ZNF415: variants seen among roughly 807,000 people sequenced by gnomAD.
ZNF415 encodes zinc finger protein 415.
ZNF415 carries 5 observed loss-of-function variants against 7.3 expected under a neutral mutation model. The observed-to-expected ratio is 0.69, with a 90% CI of 0.36 to 1.44. The LOEUF (loss-of-function observed/expected upper bound fraction) is 1.44. ZNF415 is among the 40% of genes most tolerant of loss of function. The pLI is 0.04. For synonymous variants in ZNF415, 207 were observed against 226.3 expected, an observed-to-expected ratio of 0.91 and a Z score of 0.77; for missense variants, 628 against 664.8, an observed-to-expected ratio of 0.94 and a Z score of 0.61.
rs1054485 is a variant in ZNF415, at chr19:53,109,504, T to G, written c.541A>C (p.Ile181Leu). The G allele has an allele frequency of 0.5, 804,092 of 1,612,726 alleles. 203,191 individuals are homozygous for G. The highest frequency in any genetic ancestry group is 0.68 in the Admixed American group (40,907 of 59,972). Residue 181 changes from isoleucine (I) to leucine (L), a missense_variant, in exon 4 of 4, where the codon ATT (isoleucine) becomes CTT (leucine). Transcript: ENST00000243643. ...HGSSVSPPQI[I>L]SSTIKTHVSN... Reference sequence around the variant, plus strand: ...ACATGGGTTTTGATGGTAGAAGAAATTATTTGGGGTGGTGAAACTGAGGAA... The same window carrying G: ...ACATGGGTTTTGATGGTAGAAGAAAGTATTTGGGGTGGTGAAACTGAGGAA...
intron 2 of ZNF415, among the ~76,000 whole-genome samples, chr19:53,120,318 T>A (rs1339486666): frequency 6.6e-6 from 1 of 152,228 alleles, no homozygotes; most frequent in Non-Finnish European, 1.5e-5. Context: ...AGGAGCAAGC[T>A]ATCCTTGTTC....
intron 2 of ZNF415, among the ~76,000 whole-genome samples, chr19:53,119,547 G>A (rs2087653361): frequency 7.0e-6 from 1 of 142,280 alleles, no homozygotes; most frequent in African/African-American, 2.6e-5. Flanking sequence ...TTAGTAGAAA[G>A]AAAAAAATAA....
rs117645919 is a variant in ZNF415 at position 53,108,120 on chromosome 19, A to G, written c.*257T>C. On this transcript the variant is annotated 3_prime_UTR_variant, in exon 4 of 4. Transcript: ENST00000243643. ...ATGTCTAGTGAGTTGTGAGACCTAA[A>G]TGAAGCCTCTGCCACACAGTTAGGT... 8.7e-4 allele frequency: 399 copies of G among 458,772 alleles called. 5 individuals are homozygous for G. The East Asian group carries it at 0.014, about 16-fold the overall frequency. 28.4% of individuals were successfully genotyped at this position (458,772 alleles called of 1,614,324 possible). A position where few individuals can be genotyped will look rare whatever the true frequency, so the allele number is the denominator to read the frequency against.
chr19:53,123,542 C>CACG (rs902062203), intron 1 of ZNF415: 51 of 398,498 alleles, frequency 1.3e-4, no homozygotes, highest in Non-Finnish European at 1.1e-4. Flanking sequence ...AGGCACAGCC[C>CACG]ACGTGAAGGC....
intron 3 of ZNF415, among the ~76,000 whole-genome samples, chr19:53,110,779 A>C (rs2086111623): frequency 6.6e-6 from 1 of 152,236 alleles, no homozygotes; most frequent in African/African-American, 2.4e-5. Context: ...GCATGAGGTC[A>C]GGTAAACACA....
chr19:53,113,584 C>T (rs929568825), intron 3 of ZNF415, among the ~76,000 whole-genome samples: 3 of 150,070 alleles, frequency 2.0e-5, no homozygotes, highest in Admixed American at 1.3e-4. Flanking sequence ...CGAAAAAAAA[C>T]CAAGGCATCA....
chr19:53,120,918 T>C (rs900707962), intron 2 of ZNF415, among the ~76,000 whole-genome samples: 13 of 151,232 alleles, frequency 8.6e-5, no homozygotes, highest in African/African-American at 3.2e-4. Context: ...ACCCCGTCTC[T>C]ACTAAAAATA....
At chr19:53,130,813 G>A (rs2089971519) in intron 1 of ZNF415, among the ~76,000 whole-genome samples, 1 of 151,960 alleles carries the variant, frequency 6.6e-6, no homozygotes, top group Non-Finnish European at 1.5e-5. Flanking sequence ...ACCTGGCTAA[G>A]TTTTGTATTT....
At position 53,108,393 on chromosome 19, in the gene ZNF415, G is replaced by A. The variant is rs768768168; in HGVS notation, c.1652C>T (p.Pro551Leu). ...RHQIIHTKEK[P>L]YKRN ...CTTGCCATATTAATTTCTTTTATAAGGTTTCTCCTTAGTATGGATAATTTG... is the reference window on the plus strand; with the variant it reads ...CTTGCCATATTAATTTCTTTTATAAAGTTTCTCCTTAGTATGGATAATTTG... The change falls in exon 4 of 4, where the codon CCT becomes CTT. Residue 551 changes from proline to leucine, a missense_variant. Pro to Leu is a moderately conservative substitution (Grantham distance 98). Transcript: ENST00000243643. 6.2e-7 allele frequency: 1 copy of A among 1,606,490 alleles called. No homozygotes were observed. Among genetic ancestry groups the A allele is most frequent in the Admixed American group, 1.7e-5 (1 of 58,564 alleles).
In ZNF415 at chr19:53,122,557, A is replaced by G. The variant is rs779222376; in HGVS notation, c.15+105T>C. The G allele has an allele frequency of 5.8e-5, 93 of 1,604,020 alleles. No individual in the cohort carries two copies. The African/African-American group carries it at 8.4e-4, about 15-fold the overall frequency. On this transcript the variant is annotated intron_variant, in intron 2 of 3. Coordinates refer to ENST00000243643, the MANE Select transcript of ZNF415 (RefSeq NM_018355.4). ...ACGGGTCAATGTGAGCAAACGCGTCAGGCAGGATGCTTCAGACTCAGAGAA... is the reference window on the plus strand; with the variant it reads ...ACGGGTCAATGTGAGCAAACGCGTCGGGCAGGATGCTTCAGACTCAGAGAA...
chr19:53,122,794 T>G, intron 1 of ZNF415, 51 bp from the exon 2 acceptor site: 1 of 1,402,428 alleles, frequency 7.1e-7, no homozygotes, highest in Non-Finnish European at 1.0e-6. Flanking sequence ...ACACACCCCC[T>G]CTTGTGTGAC....
chr19:53,109,370 C>T lies in ZNF415; in HGVS notation c.675G>A (p.Leu225=). 6.2e-7 allele frequency: 1 copy of T among 1,614,138 alleles called. No individual in the cohort carries two copies. Among genetic ancestry groups the T allele is most frequent in the Non-Finnish European group, 8.5e-7 (1 of 1,180,006 alleles). The stretch of plus-strand genomic sequence containing the variant: ...GTACAGTCATGTGTGAGCCATGATT[C>T]AAGGCTTTGTCGCACTCAATATATC... ...PYRYIECDKA[L]NHGSHMTVRQ... The change falls in exon 4 of 4, where the codon TTG becomes TTA. Residue 225 remains leucine, a synonymous_variant. Coordinates refer to ENST00000243643, the MANE Select transcript of ZNF415 (RefSeq NM_018355.4).
At chr19:53,109,988 C>A in intron 3 of ZNF415, 80 bp from the exon 4 acceptor site, 1 of 1,144,036 alleles carries the variant, frequency 8.7e-7, no homozygotes, top group Non-Finnish European at 1.2e-6. Context: ...CAGAATTACA[C>A]AAAAAGCAAC....
chr19:53,112,760 G>A (rs916922772), intron 3 of ZNF415, among the ~76,000 whole-genome samples: 11 of 152,202 alleles, frequency 7.2e-5, no homozygotes, highest in African/African-American at 2.7e-4. Context: ...GCATGCACAT[G>A]TGTGGGATAT....
chr19:53,122,673 C>T lies in ZNF415; in HGVS notation c.4G>A (p.Ala2Thr). The T allele has an allele frequency of 6.2e-7, 1 of 1,614,162 alleles. No homozygotes were observed. The highest frequency in any genetic ancestry group is 8.5e-7 in the Non-Finnish European group (1 of 1,180,022). Residue 2 changes from alanine to threonine, a missense_variant, in exon 2 of 4, where the codon GCT becomes ACT. Physicochemically the swap from Ala to Thr is moderately conservative, Grantham distance 58 (BLOSUM62 0). Transcript: ENST00000243643. ...GAATCTTTCTTTACCTGAGTAAAAGCCATTCCTGACTCCTTTGCTCTCCTC... is the reference window on the plus strand; with the variant it reads ...GAATCTTTCTTTACCTGAGTAAAAGTCATTCCTGACTCCTTTGCTCTCCTC... The part of the protein sequence containing the change: M[A>T]FTQLTFRDVA...
At position 53,116,310 on chromosome 19, in the gene ZNF415, C is replaced by T; in HGVS notation, c.136+3G>A. 1.9e-6 allele frequency: 3 copies of T among 1,606,554 alleles called. No individual in the cohort carries two copies. Among genetic ancestry groups the T allele is most frequent in the African/African-American group, 1.3e-5 (1 of 74,508 alleles). On this transcript the variant is annotated splice_donor_region_variant and intron_variant, in intron 3 of 3. Transcript: ENST00000243643. ...TTGACTTCTGGAAGAAAATTATCCTCACCCAGGGAGACCAGGTTCCTGTAG... is the reference window on the plus strand; with the variant it reads ...TTGACTTCTGGAAGAAAATTATCCTTACCCAGGGAGACCAGGTTCCTGTAG...
chr19:53,115,670 G>C (rs1386002527), intron 3 of ZNF415: 2 of 1,456,054 alleles, frequency 1.4e-6, no homozygotes, highest in African/African-American at 2.8e-5. Flanking sequence ...TAGTGTAATG[G>C]TGTGGCTTCC....
At chr19:53,119,077 A>G (rs146566777) in intron 2 of ZNF415, among the ~76,000 whole-genome samples, 282 of 152,166 alleles carry the variant, frequency 1.9e-3, no homozygotes, top group Middle Eastern at 3.4e-3. Flanking sequence ...TCAGGAGATC[A>G]AGACCATCCT....
chr19:53,119,969 G>GAAGAACTAAGACTGATTCTCCTCAAAC (rs1601172066), intron 2 of ZNF415, among the ~76,000 whole-genome samples: 4 of 142,694 alleles, frequency 2.8e-5, no homozygotes. Flanking sequence ...AACTTTCAAA[G>GAAGAACTAAGACTGATTCTCCTCAAAC]AAGAACTAAG....
Sources: allele counts gnomAD v4.1 joint callset (sites outside exome capture counted in the v4.1 genomes callset), GRCh38; gene constraint gnomAD v4.1.1; transcripts MANE v1.5; gene names NCBI Gene and HGNC (gene_info 2026-07-23, HGNC 2026-07-21).